The following MIB1 variants were observed in gnomAD, a reference collection of about 807,000 sequenced individuals.
MIB1 encodes E3 ubiquitin-protein ligase MIB1.
In MIB1, 278 loss-of-function variants were observed where a neutral mutation model predicts 124.5. The observed-to-expected ratio is 2.23, with a 90% CI of 2.02 to 2.47. The LOEUF is 2.47. Ranked by LOEUF, MIB1 falls within the 30% of genes most tolerant of loss-of-function variation. The pLI is 0.00. For synonymous variants in MIB1, 446 were observed against 429.4 expected (o/e 1.04, Z -0.48); for missense variants, 957 against 1,254.4 (o/e 0.76, Z 3.58).
At chr18:21,826,641 A>G (rs2041926769) in intron 12 of MIB1, 1 of 152,084 alleles carries the variant, frequency 6.6e-6, no homozygotes, top group Admixed American at 6.6e-5. Context: ...AATTTTTGTT[A>G]TAATGTGGTT....
At chr18:21,708,850 CTG>C (rs1160444684) in intron 1 of MIB1, among the ~76,000 whole-genome samples, 1 of 152,082 alleles carries the variant, frequency 6.6e-6, no homozygotes, top group East Asian at 1.9e-4. Flanking sequence ...AGTGTGGTGT[CTG>C]GGGATGGTTC....
intron 12 of MIB1, chr18:21,829,067 G>C (rs1464111594): frequency 1.3e-5 from 6 of 477,710 alleles, no homozygotes; most frequent in Non-Finnish European, 2.6e-5. Context: ...GGTACATAAA[G>C]AAGTATGTAC....
At chr18:21,721,017 C>T (rs2040711882) in intron 1 of MIB1, among the ~76,000 whole-genome samples, 1 of 151,826 alleles carries the variant, frequency 6.6e-6, no homozygotes, top group Admixed American at 6.6e-5. Flanking sequence ...AACAAGGTTG[C>T]TGCAACTGAG....
chr18:21,733,490 GC>G (rs2040781734), intron 1 of MIB1, among the ~76,000 whole-genome samples: 1 of 151,664 alleles, frequency 6.6e-6, no homozygotes, highest in South Asian at 2.1e-4. Context: ...TGAACTCCTG[GC>G]CCCAAGCCAT....
At chr18:21,765,702 TCCCCCAAG>T in intron 1 of MIB1, 62 bp from the exon 2 acceptor site, 2 of 1,449,682 alleles carry the variant, frequency 1.4e-6, no homozygotes, top group East Asian at 2.3e-5. Flanking sequence ...CTTATTTTTT[TCCCCCAAG>T]GAATAATATT....
chr18:21,856,464 T>C (rs2042229716), intron 18 of MIB1, among the ~76,000 whole-genome samples: 5 of 152,224 alleles, frequency 3.3e-5, no homozygotes, highest in Admixed American at 3.3e-4. Flanking sequence ...CCTTGTTACA[T>C]TGCATCAATT....
chr18:21,852,520 A>C (rs1485242399), intron 17 of MIB1, among the ~76,000 whole-genome samples: 1 of 152,210 alleles, frequency 6.6e-6, no homozygotes, highest in Non-Finnish European at 1.5e-5. Context: ...GCTCAGATTA[A>C]GTGGACATGA....
chr18:21,840,312 G>A (rs1426304105), intron 13 of MIB1, among the ~76,000 whole-genome samples: 3 of 151,870 alleles, frequency 2.0e-5, no homozygotes. Flanking sequence ...CACACATATA[G>A]TCAATTACTT....
At chr18:21,825,451 C>T in intron 12 of MIB1, 3 of 291,994 alleles carry the variant, frequency 1.0e-5, no homozygotes, top group Admixed American at 5.1e-5. Flanking sequence ...CTTTTCTTTT[C>T]TGAAGGATAA....
intron 1 of MIB1, among the ~76,000 whole-genome samples, chr18:21,715,593 C>T (rs1335564350): frequency 6.6e-6 from 1 of 151,228 alleles, no homozygotes; most frequent in African/African-American, 2.4e-5. Context: ...AAAGGTGAAG[C>T]TCAATTTAAG....
In MIB1 at chr18:21,847,137, T is replaced by G; in HGVS notation, c.2393+12T>G. The G allele has an allele frequency of 6.2e-7, 1 of 1,608,658 alleles. No homozygotes were observed. Among genetic ancestry groups the G allele is most frequent in the Non-Finnish European group, 8.5e-7 (1 of 1,175,750 alleles). Reference sequence around the variant, plus strand: ...AAGGAAAAAGTCAGGTTTGTATTATTTATTATCATAAAACTTAATATTCTG... The same window carrying G: ...AAGGAAAAAGTCAGGTTTGTATTATGTATTATCATAAAACTTAATATTCTG... On this transcript the variant is annotated intron_variant, in intron 16 of 20. Transcript: ENST00000261537.
At chr18:21,773,957 A>G (rs1296088052) in intron 4 of MIB1, among the ~76,000 whole-genome samples, 2 of 152,134 alleles carry the variant, frequency 1.3e-5, no homozygotes, top group Non-Finnish European at 2.9e-5. Flanking sequence ...GTGTAAGTCC[A>G]GGGGGTTTAT....
At chr18:21,769,621 T>C (rs900783548) in intron 3 of MIB1, among the ~76,000 whole-genome samples, 6 of 152,202 alleles carry the variant, frequency 3.9e-5, no homozygotes, top group Non-Finnish European at 5.9e-5. Context: ...TTACTGTCTC[T>C]TTTGGTAGGA....
intron 1 of MIB1, among the ~76,000 whole-genome samples, chr18:21,746,655 T>G (rs1301435364): frequency 6.6e-6 from 1 of 152,216 alleles, no homozygotes; most frequent in African/African-American, 2.4e-5. Flanking sequence ...ACTACAGTGT[T>G]GTATTGTTAC....
rs576123010 is a variant in MIB1, at chr18:21,868,202, A to G, written c.*3536A>G. 3 of 152,156 alleles carry G rather than the reference A, an allele frequency of 2.0e-5. No individual in the cohort carries two copies. Among genetic ancestry groups the G allele is most frequent in the African/African-American group, 7.2e-5 (3 of 41,552 alleles). 9.4% of individuals were successfully genotyped at this position (152,156 alleles called of 1,614,324 possible). Reference sequence around the variant, plus strand: ...GTTCAGCCATGTGAAGTACATTTACACTGTTGTGAAGCAGATCTCCAGAAC... The same window carrying G: ...GTTCAGCCATGTGAAGTACATTTACGCTGTTGTGAAGCAGATCTCCAGAAC... On this transcript the variant is annotated 3_prime_UTR_variant, in exon 21 of 21. Transcript: ENST00000261537.
intron 1 of MIB1, among the ~76,000 whole-genome samples, chr18:21,735,650 C>T (rs2040793341): frequency 6.6e-6 from 1 of 152,190 alleles, no homozygotes; most frequent in Non-Finnish European, 1.5e-5. Flanking sequence ...GCTAGCACAG[C>T]AGTCTGAGGT....
At chr18:21,797,886 A>G (rs989191397) in intron 7 of MIB1, among the ~76,000 whole-genome samples, 198 bp from the exon 8 acceptor site, 1 of 152,094 alleles carries the variant, frequency 6.6e-6, no homozygotes, top group African/African-American at 2.4e-5. Flanking sequence ...ATTCTTGTGG[A>G]AGTAGTTTTA....
chr18:21,860,315 G>A (rs2042266230), intron 20 of MIB1, among the ~76,000 whole-genome samples: 1 of 129,260 alleles, frequency 7.7e-6, no homozygotes, highest in Non-Finnish European at 1.7e-5. Flanking sequence ...TTTCCAGGCT[G>A]GTCTTGAACT....
intron 1 of MIB1, among the ~76,000 whole-genome samples, chr18:21,707,377 G>C (rs1473850580): frequency 6.6e-6 from 1 of 152,212 alleles, no homozygotes; most frequent in African/African-American, 2.4e-5. Flanking sequence ...GGGCCAATCA[G>C]CAGGATGTGG....
Sources: allele counts gnomAD v4.1 joint callset (sites outside exome capture counted in the v4.1 genomes callset), GRCh38; gene constraint gnomAD v4.1.1; transcripts MANE v1.5; gene names NCBI Gene and HGNC (gene_info 2026-07-23, HGNC 2026-07-21).